AKAP6: variants seen among roughly 807,000 people sequenced by gnomAD.
The protein encoded by AKAP6 is A-kinase anchor protein 6.
A neutral mutation model predicts 188.5 loss-of-function variants in AKAP6; 58 were observed. The observed-to-expected ratio is 0.31, with a 90% CI of 0.25 to 0.38. The LOEUF is 0.38. AKAP6 is among the 10% of genes least tolerant of loss of function. The probability of loss-of-function intolerance (pLI) is 1.00; values close to 1 mark genes in which losing one functional copy is unlikely to be tolerated. For synonymous variants in AKAP6, 989 were observed against 998.6 expected (o/e 0.99, Z 0.18); for missense variants, 2,710 against 2,740.0 (o/e 0.99, Z 0.24).
At chr14:32,503,835 A>G (rs1880726874) in intron 2 of AKAP6, among the ~76,000 whole-genome samples, 1 of 151,402 alleles carries the variant, frequency 6.6e-6, no homozygotes, top group Non-Finnish European at 1.5e-5. Flanking sequence ...CCCTTTTTTC[A>G]GTTTTGTCTG....
intron 1 of AKAP6, among the ~76,000 whole-genome samples, chr14:32,380,804 A>G (rs1184100418): frequency 1.3e-5 from 2 of 152,236 alleles, no homozygotes; most frequent in Non-Finnish European, 2.9e-5. Context: ...AGTCAGTTAT[A>G]GAGAGCAACC....
At chr14:32,520,983 T>C (rs957095881) in intron 2 of AKAP6, among the ~76,000 whole-genome samples, 1 of 152,156 alleles carries the variant, frequency 6.6e-6, no homozygotes, top group Non-Finnish European at 1.5e-5. Context: ...ATCAAAACAC[T>C]TATCTACCAA....
At chr14:32,639,096 A>G (rs1039186559) in intron 7 of AKAP6, among the ~76,000 whole-genome samples, 44 of 152,116 alleles carry the variant, frequency 2.9e-4, no homozygotes, top group African/African-American at 1.0e-3. Flanking sequence ...TACAAACAAT[A>G]TATGATATTT....
At chr14:32,793,411 A>G (rs938963970) in intron 12 of AKAP6, among the ~76,000 whole-genome samples, 2 of 152,196 alleles carry the variant, frequency 1.3e-5, no homozygotes, top group African/African-American at 4.8e-5. Context: ...ACCAGCAAAG[A>G]TTAAAAAAGA....
intron 12 of AKAP6, among the ~76,000 whole-genome samples, chr14:32,805,974 A>G (rs1189790438): frequency 1.3e-5 from 2 of 152,244 alleles, no homozygotes; most frequent in African/African-American, 4.8e-5. Context: ...TTGATTAACT[A>G]TTCTTCCTAT....
chr14:32,420,263 T>A lies in AKAP6; in HGVS notation c.-34-13197T>A, dbSNP rs112099705. The stretch of plus-strand genomic sequence containing the variant: ...GATGGTATGGCTACTCCCTGAGTAT[T>A]TTTTTTCCTTAGCTTTATCTATTTA... On this transcript the variant is annotated intron_variant, in intron 1 of 13. Coordinates refer to ENST00000280979, the MANE Select transcript of AKAP6 (RefSeq NM_004274.5). Among the ~76,000 whole-genome samples, 1,381 of 152,206 alleles carry A rather than the reference T, an allele frequency of 9.1e-3. 11 individuals are homozygous for A. The highest frequency in any genetic ancestry group is 0.013 in the Non-Finnish European group (897 of 67,986).
chr14:32,448,432 A>G (rs184547137), intron 2 of AKAP6, among the ~76,000 whole-genome samples: 33 of 152,270 alleles, frequency 2.2e-4, no homozygotes, highest in African/African-American at 7.0e-4. Flanking sequence ...CCTATCCTTT[A>G]TGCTTTGTTT....
chr14:32,659,454 C>A (rs1274837308), intron 7 of AKAP6, among the ~76,000 whole-genome samples: 1 of 152,036 alleles, frequency 6.6e-6, no homozygotes, highest in Non-Finnish European at 1.5e-5. Context: ...TCTAAGAGAG[C>A]CATCAAGGGT....
chr14:32,381,547 A>T (rs1888361412), intron 1 of AKAP6, among the ~76,000 whole-genome samples: 1 of 152,134 alleles, frequency 6.6e-6, no homozygotes. Flanking sequence ...CTTTGGTTCC[A>T]CTGTTTGGGC....
chr14:32,485,277 A>G (rs12147858), intron 2 of AKAP6, among the ~76,000 whole-genome samples: 100,883 of 150,500 alleles, frequency 0.67, 35,320 homozygotes, highest in East Asian at 0.88. Flanking sequence ...AAACATATGT[A>G]TGCATGTGTC....
chr14:32,514,816 G>A (rs1371764943), intron 2 of AKAP6, among the ~76,000 whole-genome samples: 1 of 152,186 alleles, frequency 6.6e-6, no homozygotes, highest in Non-Finnish European at 1.5e-5. Context: ...TAGGAGGGTG[G>A]AGGAGTAATG....
intron 1 of AKAP6, among the ~76,000 whole-genome samples, chr14:32,417,476 G>C (rs1402062865): frequency 6.6e-6 from 1 of 152,158 alleles, no homozygotes; most frequent in Non-Finnish European, 1.5e-5. Context: ...GTAAAATTCA[G>C]TTGAGGAGTA....
chr14:32,773,863 A>C lies in AKAP6; in HGVS notation c.3558A>C (p.Thr1186=), dbSNP rs774973135. Residue 1186 remains threonine, a synonymous_variant, in exon 12 of 14, where the codon ACA becomes ACC. Coordinates refer to ENST00000280979, the MANE Select transcript of AKAP6 (RefSeq NM_004274.5). ...AIVMQAVQWQ[T]RLQKKMGKES... Reference sequence around the variant, plus strand: ...TCATGCAAGCCGTCCAGTGGCAAACACGTCTACAAAAGAAGATGGGAAAGG... The same window carrying C: ...TCATGCAAGCCGTCCAGTGGCAAACCCGTCTACAAAAGAAGATGGGAAAGG... The C allele has an allele frequency of 1.2e-6, 2 of 1,614,108 alleles. No homozygotes were observed. The highest frequency in any genetic ancestry group is 1.7e-6 in the Non-Finnish European group (2 of 1,179,982).
chr14:32,788,218 A>G (rs982837416), intron 12 of AKAP6, among the ~76,000 whole-genome samples: 3 of 152,250 alleles, frequency 2.0e-5, no homozygotes, highest in Admixed American at 6.5e-5. Flanking sequence ...ATAATACAAT[A>G]TGGTGATTAA....
intron 12 of AKAP6, among the ~76,000 whole-genome samples, chr14:32,807,773 G>A (rs1012766152): frequency 9.2e-5 from 14 of 152,110 alleles, no homozygotes; most frequent in African/African-American, 3.1e-4. Context: ...CACTCACCTC[G>A]TGAAATATCA....
intron 12 of AKAP6, among the ~76,000 whole-genome samples, chr14:32,791,590 A>G (rs1442430989): frequency 6.6e-6 from 1 of 152,106 alleles, no homozygotes; most frequent in Non-Finnish European, 1.5e-5. Flanking sequence ...CTCTGGTGAT[A>G]GTTTCTTTTG....
chr14:32,581,096 T>C (rs1884949013), intron 5 of AKAP6, among the ~76,000 whole-genome samples: 1 of 152,218 alleles, frequency 6.6e-6, no homozygotes, highest in South Asian at 2.1e-4. Flanking sequence ...TCAAGTGGTA[T>C]TTCTAGTTCT....
At chr14:32,706,398 A>C (rs1890813343) in intron 9 of AKAP6, among the ~76,000 whole-genome samples, 1 of 152,052 alleles carries the variant, frequency 6.6e-6, no homozygotes, top group East Asian at 1.9e-4. Flanking sequence ...GCTGAGCCTC[A>C]CTGGGGCCTC....
In AKAP6 at chr14:32,831,698, G is replaced by C. The variant is rs1445716399; in HGVS notation, c.*1893G>C. 6.6e-6 allele frequency: 1 copy of C among 152,262 alleles called. No homozygotes were observed. The highest frequency in any genetic ancestry group is 1.5e-5 in the Non-Finnish European group (1 of 68,078). 9.4% of individuals were successfully genotyped at this position (152,262 alleles called of 1,614,324 possible). On this transcript the variant is annotated 3_prime_UTR_variant, in exon 14 of 14. Transcript: ENST00000280979. ...AGCTGAGGAACAGAGCAAATGTAGT[G>C]ATAGAAGCGCAATGAGAGAAGCAGC...
Sources: allele counts gnomAD v4.1 joint callset (sites outside exome capture counted in the v4.1 genomes callset), GRCh38; gene constraint gnomAD v4.1.1; transcripts MANE v1.5; gene names NCBI Gene and HGNC (gene_info 2026-07-23, HGNC 2026-07-21).